The following LRRC74A variants were observed in gnomAD, a reference collection of about 807,000 sequenced individuals.
The protein encoded by LRRC74A is leucine rich repeat containing 74A.
Under a neutral mutation model 57.9 loss-of-function variants are expected in LRRC74A, and 44 were observed. The observed-to-expected ratio is 0.76, with a 90% CI of 0.60 to 0.98. The LOEUF is 0.98. Among genes scored for constraint, LRRC74A ranks in the 50% least tolerant of loss-of-function variants. The probability of loss-of-function intolerance (pLI) is 0.00; values close to 1 mark genes in which losing one functional copy is unlikely to be tolerated. For missense variants in LRRC74A, 572 were observed against 574.0 expected (o/e 1.00, Z 0.04); for synonymous variants, 211 against 219.4 (o/e 0.96, Z 0.34).
chr14:76,857,456 T>C lies in LRRC74A; in HGVS notation c.1034T>C (p.Met345Thr). The change falls in exon 10 of 14, where the codon ATG (methionine) becomes ACG (threonine). Residue 345 changes from methionine (M) to threonine (T), a missense_variant. Coordinates refer to ENST00000689127, the MANE Select transcript of LRRC74A (RefSeq NM_001385106.1). ...ATCAAGAGGAACCCCAAATCCAGGA[T>C]GGAAGAGCTTGATATTTCCGTAAGT... ...LAIKRNPKSR[M>T]EELDISNVLV... is the part of the protein sequence containing the mutation. The C allele has an allele frequency of 6.3e-7, 1 of 1,579,760 alleles. No homozygotes were observed. The highest frequency in any genetic ancestry group is 8.6e-7 in the Non-Finnish European group (1 of 1,161,166).
rs759804541 is a variant in LRRC74A at position 76,844,893 on chromosome 14, A to G, written c.668A>G (p.Gln223Arg). The stretch of plus-strand genomic sequence containing the variant: ...GATGTAGGAGGGGAGCACCTGGGCC[A>G]GATGCTGGGTGAGTCTCCCTGGAGG... ...FSDVGGEHLG[Q>R]MLAINVGLTS... Residue 223 changes from glutamine (Q) to arginine (R), a missense_variant, in exon 7 of 14, where the codon CAG becomes CGG. By Grantham distance (43) the Gln-to-Arg change is conservative. Transcript: ENST00000689127. 6.4e-7 allele frequency: 1 copy of G among 1,565,450 alleles called. No homozygotes were observed. The highest frequency in any genetic ancestry group is 1.1e-5 in the South Asian group (1 of 89,940).
At chr14:76,851,168 C>T (rs1897456686) in intron 7 of LRRC74A, among the ~76,000 whole-genome samples, 1 of 152,238 alleles carries the variant, frequency 6.6e-6, no homozygotes, top group Admixed American at 6.5e-5. Flanking sequence ...ACTGATTGTG[C>T]CCCTGAGCCT....
chr14:76,839,981 A>C (rs1389089614), intron 5 of LRRC74A, among the ~76,000 whole-genome samples: 2 of 152,108 alleles, frequency 1.3e-5, no homozygotes, highest in Non-Finnish European at 2.9e-5. Context: ...TGCCCGCCTC[A>C]GCCTCCCAAA....
At chr14:76,867,676 G>A in intron 13 of LRRC74A, among the ~76,000 whole-genome samples, 1 of 152,310 alleles carries the variant, frequency 6.6e-6, no homozygotes, top group Non-Finnish European at 1.5e-5. Context: ...TGCTGGGGAT[G>A]CCAGCGGGAG....
At chr14:76,867,530 T>C (rs1899035384) in intron 13 of LRRC74A, 92 bp downstream of exon 13, 1 of 690,696 alleles carries the variant, frequency 1.4e-6, no homozygotes, top group East Asian at 2.8e-5. Context: ...CTACACTTTA[T>C]TACTTGAGGC....
At chr14:76,844,734 C>G (rs1474893417) in intron 6 of LRRC74A, 86 bp from the exon 7 acceptor site, 1 of 782,032 alleles carries the variant, frequency 1.3e-6, no homozygotes, top group African/African-American at 1.7e-5. Flanking sequence ...ACATCAGAGC[C>G]CCACCATCAT....
At chr14:76,847,102 A>G (rs1187581184) in intron 7 of LRRC74A, among the ~76,000 whole-genome samples, 1 of 152,166 alleles carries the variant, frequency 6.6e-6, no homozygotes, top group African/African-American at 2.4e-5. Flanking sequence ...GGAAACCAGA[A>G]AAGCGAGGTG....
intron 11 of LRRC74A, among the ~76,000 whole-genome samples, chr14:76,863,093 T>C (rs189279324): frequency 3.5e-4 from 54 of 152,162 alleles, no homozygotes; most frequent in African/African-American, 1.3e-3. Flanking sequence ...AACAATGGAA[T>C]TGAAGGGCAG....
At chr14:76,851,149 C>G (rs1417337299) in intron 7 of LRRC74A, among the ~76,000 whole-genome samples, 1 of 152,214 alleles carries the variant, frequency 6.6e-6, no homozygotes, top group Non-Finnish European at 1.5e-5. Context: ...TGGTGCCTCC[C>G]CACTTCCAAC....
chr14:76,846,645 A>C (rs1351536667), intron 7 of LRRC74A, among the ~76,000 whole-genome samples: 1 of 152,184 alleles, frequency 6.6e-6, no homozygotes, highest in African/African-American at 2.4e-5. Flanking sequence ...TTTGGGGGTA[A>C]AGCCAAAAGG....
Position 76,853,103 on chromosome 14 carries a change from G to A in LRRC74A, c.763-113G>A, listed in dbSNP as rs141300256. On this transcript the variant is annotated intron_variant, in intron 8 of 13. Coordinates refer to ENST00000689127, the MANE Select transcript of LRRC74A (RefSeq NM_001385106.1). ...GATCTGGCAGACCCATCAGTCCTGG[G>A]GACCACTGAGCACCCGGTCTGGATG... 6.7e-4 allele frequency: 635 copies of A among 946,976 alleles called. 8 individuals carry two copies. In the African/African-American group the frequency reaches 9.0e-3, roughly 13 times the overall value. 58.7% of individuals were successfully genotyped at this position (946,976 alleles called of 1,614,324 possible).
In LRRC74A at chr14:76,828,359, C is replaced by A. The variant is rs750997291; in HGVS notation, c.106C>A (p.Pro36Thr). Reference sequence around the variant, plus strand: ...GCTCTACTGTGAGGCCGAATCCCCGCCGACTGTTGAAAAAGTGAAACCAGC... The same window carrying A: ...GCTCTACTGTGAGGCCGAATCCCCGACGACTGTTGAAAAAGTGAAACCAGC... Reference protein sequence around the residue: ...KMLYCEAESPPTVEKVKPARE... With the variant: ...KMLYCEAESPTTVEKVKPARE... Residue 36 changes from proline (P) to threonine (T), a missense_variant, in exon 2 of 14, where the codon CCG becomes ACG. Pro to Thr is a conservative substitution (Grantham distance 38). Coordinates refer to ENST00000689127, the MANE Select transcript of LRRC74A (RefSeq NM_001385106.1). 1 of 1,613,720 alleles carries A rather than the reference C, an allele frequency of 6.2e-7. No homozygotes were observed. Among genetic ancestry groups the A allele is most frequent in the Admixed American group, 1.7e-5 (1 of 60,004 alleles).
intron 11 of LRRC74A, among the ~76,000 whole-genome samples, chr14:76,865,692 C>T (rs975865643): frequency 4.6e-5 from 7 of 152,200 alleles, no homozygotes; most frequent in African/African-American, 1.4e-4. Flanking sequence ...ATGGAGGGAG[C>T]GTCTGTGCAG....
At chr14:76,861,510 T>C (rs1490840201) in intron 11 of LRRC74A, among the ~76,000 whole-genome samples, 1 of 151,316 alleles carries the variant, frequency 6.6e-6, no homozygotes, top group African/African-American at 2.4e-5. Context: ...CAAGACATCC[T>C]TGTGGTCAGG....
intron 11 of LRRC74A, among the ~76,000 whole-genome samples, chr14:76,864,427 CG>C (rs1898596720): frequency 1.1e-3 from 3 of 2,648 alleles, no homozygotes; most frequent in African/African-American, 3.4e-3. Context: ...GGGGGGGTGG[CG>C]GGGGGAAGGG....
intron 11 of LRRC74A, among the ~76,000 whole-genome samples, chr14:76,863,920 A>ACC: frequency 6.6e-6 from 1 of 152,346 alleles, no homozygotes; most frequent in South Asian, 2.1e-4. Flanking sequence ...GCCGCTGCCC[A>ACC]CCACCTGCCT....
At chr14:76,831,085 A>G (rs1427729678) in intron 2 of LRRC74A, 118 bp from the exon 3 acceptor site, 1 of 1,046,146 alleles carries the variant, frequency 9.6e-7, no homozygotes, top group East Asian at 2.6e-5. Context: ...GCACATACCC[A>G]CAGGGAGAGA....
At chr14:76,837,806 G>A in intron 4 of LRRC74A, 69 bp from the exon 5 acceptor site, 1 of 899,586 alleles carries the variant, frequency 1.1e-6, no homozygotes, top group Non-Finnish European at 1.8e-6. Context: ...AACCACAAAA[G>A]ACATCATTTT....
intron 3 of LRRC74A, among the ~76,000 whole-genome samples, chr14:76,833,135 T>C (rs1317917945): frequency 1.3e-5 from 2 of 152,182 alleles, no homozygotes; most frequent in African/African-American, 4.8e-5. Context: ...CAGGAGAAGC[T>C]ACAGAATGGT....
Sources: allele counts gnomAD v4.1 joint callset (sites outside exome capture counted in the v4.1 genomes callset), GRCh38; gene constraint gnomAD v4.1.1; transcripts MANE v1.5; gene names NCBI Gene and HGNC (gene_info 2026-07-23, HGNC 2026-07-21).